Variants in LEMD1 observed in about 807,000 individuals in gnomAD.
The protein encoded by LEMD1 is LEM domain containing 1, also known as LEM domain-containing protein 1.
Under a neutral mutation model 17.4 loss-of-function variants are expected in LEMD1, and 18 were observed. The ratio of observed to expected loss-of-function variants is 1.04; its 90% CI spans 0.72 to 1.54. The LOEUF (loss-of-function observed/expected upper bound fraction) is 1.54, where lower values mean the gene tolerates loss of function less well. LEMD1 is among the 40% of genes most tolerant of loss of function. LEMD1 has a pLI of 0.00. For missense variants in LEMD1, 195 were observed against 210.4 expected (o/e 0.93, Z 0.45); for synonymous variants, 88 against 77.8 (o/e 1.13, Z -0.69).
chr1:205,420,696 A>T lies in LEMD1; in HGVS notation c.-38-122T>A. 4 of 605,304 alleles carry T rather than the reference A, an allele frequency of 6.6e-6. No individual in the cohort carries two copies. In the South Asian group the frequency reaches 7.8e-5, roughly 12 times the overall value. 37.5% of individuals were successfully genotyped at this position (605,304 alleles called of 1,614,324 possible). On this transcript the variant is annotated intron_variant, in intron 1 of 5. Coordinates refer to ENST00000367153, the MANE Select transcript of LEMD1 (RefSeq NM_001199050.2). Reference sequence around the variant, plus strand: ...AACCTCCTAGGTGCACAGGCAATAAAGCAAAAATCAACACTTTCTAGTTCT... The same window carrying T: ...AACCTCCTAGGTGCACAGGCAATAATGCAAAAATCAACACTTTCTAGTTCT...
chr1:205,411,441 G>C (rs948120584), intron 4 of LEMD1, among the ~76,000 whole-genome samples: 3 of 151,794 alleles, frequency 2.0e-5, no homozygotes, highest in Non-Finnish European at 4.4e-5. Flanking sequence ...TGTAGTCCCA[G>C]CTACCCGGAG....
chr1:205,429,248 C>T (rs920271325), intron 1 of LEMD1, among the ~76,000 whole-genome samples: 15 of 152,198 alleles, frequency 9.9e-5, no homozygotes, highest in African/African-American at 3.4e-4. Context: ...GGAGATGCTG[C>T]AACTATTTTA....
intron 4 of LEMD1, among the ~76,000 whole-genome samples, chr1:205,405,106 C>G (rs1665030346): frequency 6.6e-6 from 1 of 152,108 alleles, no homozygotes; most frequent in African/African-American, 2.4e-5. Context: ...TTGTGGGTAA[C>G]CCGACTTTTC....
At chr1:205,403,069 T>A (rs1459629966) in intron 4 of LEMD1, among the ~76,000 whole-genome samples, 1 of 151,974 alleles carries the variant, frequency 6.6e-6, no homozygotes, top group African/African-American at 2.4e-5. Flanking sequence ...TCATGGTGGA[T>A]AAGCTTTTTG....
chr1:205,430,737 G>T (rs1462641998), intron 1 of LEMD1, among the ~76,000 whole-genome samples: 1 of 152,226 alleles, frequency 6.6e-6, no homozygotes, highest in Non-Finnish European at 1.5e-5. Flanking sequence ...CCCCCAAGCA[G>T]CCGGCGAGGC....
intron 1 of LEMD1, among the ~76,000 whole-genome samples, chr1:205,444,495 CCA>C (rs1243442333): frequency 7.4e-5 from 11 of 149,436 alleles, no homozygotes; most frequent in African/African-American, 2.5e-4. Flanking sequence ...GGCCTGACCC[CCA>C]CATCTCTCTG....
intron 1 of LEMD1, among the ~76,000 whole-genome samples, chr1:205,434,307 G>C (rs1666170356): frequency 6.8e-6 from 1 of 147,560 alleles, no homozygotes; most frequent in African/African-American, 2.5e-5. Context: ...AAGTAGCTGG[G>C]ACTACAGGTG....
At chr1:205,386,280 C>G (rs1387132240) in intron 4 of LEMD1, 1 of 151,572 alleles carries the variant, frequency 6.6e-6, no homozygotes, top group Non-Finnish European at 1.5e-5. Flanking sequence ...CAGCCTCCTC[C>G]CCTTCCCCTG....
chr1:205,401,176 T>C (rs1334492649), intron 4 of LEMD1, among the ~76,000 whole-genome samples: 30 of 149,944 alleles, frequency 2.0e-4, no homozygotes, highest in Non-Finnish European at 1.6e-4. Context: ...TGTGTCTTTA[T>C]AGCAGCATGA....
At chr1:205,399,799 A>ATGAG (rs1193254231) in intron 4 of LEMD1, among the ~76,000 whole-genome samples, 2 of 152,216 alleles carry the variant, frequency 1.3e-5, no homozygotes, top group African/African-American at 2.4e-5. Context: ...ACATGAATGA[A>ATGAG]TGAGTGAGTG....
Position 205,448,392 on chromosome 1 carries a change from CAG to C in LEMD1, c.-39+1474_-39+1475del. 1.9e-6 allele frequency: 1 copy of C among 534,490 alleles called. No individual in the cohort carries two copies. The highest frequency in any genetic ancestry group is 3.8e-6 in the Non-Finnish European group (1 of 260,016). The allele number at this position is 534,490 out of a possible 1,614,324, so 33.1% of individuals were successfully genotyped here. A position where few individuals can be genotyped will look rare whatever the true frequency, so the allele number is the denominator to read the frequency against. On this transcript the variant is annotated intron_variant, in intron 1 of 3. Transcript: ENST00000367154. This position sits in a 1 kb window ranked among gnomAD's most constrained non-coding sequence, Gnocchi z 4.7. ...AGGAATGAAAAGCCATAGGCCACAGCAGAGTGGAGGGGTCCAGCGGCAGGAAT... is the reference window on the plus strand; with the variant it reads ...AGGAATGAAAAGCCATAGGCCACAGCAGTGGAGGGGTCCAGCGGCAGGAAT...
At chr1:205,409,423 T>C (rs1257478785) in intron 4 of LEMD1, among the ~76,000 whole-genome samples, 2 of 152,192 alleles carry the variant, frequency 1.3e-5, no homozygotes, top group Admixed American at 1.3e-4. Flanking sequence ...TTGCCTCTTA[T>C]TACATATACA....
In LEMD1 at chr1:205,448,615, A is replaced by G. The variant is rs1274415726; in HGVS notation, c.-39+1253T>C. On this transcript the variant is annotated intron_variant, in intron 1 of 3. Transcript: ENST00000367154. This position sits in a 1 kb window ranked among gnomAD's most constrained non-coding sequence, Gnocchi z 4.7. The stretch of plus-strand genomic sequence containing the variant: ...AGTTCTTGCCCTACAAAGGCCTCAC[A>G]CAATGGTCCTCACTCCAGGGTATGA... Among the ~76,000 whole-genome samples the G allele has an allele frequency of 1.3e-5, 2 of 152,048 alleles. No individual in the cohort carries two copies. Among genetic ancestry groups the G allele is most frequent in the African/African-American group, 4.8e-5 (2 of 41,408 alleles).
intron 4 of LEMD1, among the ~76,000 whole-genome samples, chr1:205,405,198 G>A (rs1375331684): frequency 1.3e-5 from 2 of 151,570 alleles, no homozygotes; most frequent in Non-Finnish European, 2.9e-5. Flanking sequence ...TGCTCTTCTC[G>A]AGGAGTATCT....
chr1:205,393,694 ATAGCAAGTGT>A (rs1664449348), intron 4 of LEMD1, among the ~76,000 whole-genome samples: 1 of 151,574 alleles, frequency 6.6e-6, no homozygotes, highest in Non-Finnish European at 1.5e-5. Flanking sequence ...AAAAAGGAAA[ATAGCAAGTGT>A]TAGCAAGGAT....
At chr1:205,429,466 G>A (rs1296988999) in intron 1 of LEMD1, among the ~76,000 whole-genome samples, 1 of 152,190 alleles carries the variant, frequency 6.6e-6, no homozygotes, top group Non-Finnish European at 1.5e-5. Context: ...AAAGGATCAG[G>A]ATTTTGCTGG....
At chr1:205,413,587 C>CTTTTTTTTT (rs781477988) in intron 4 of LEMD1, among the ~76,000 whole-genome samples, 2 of 72,478 alleles carry the variant, frequency 2.8e-5, no homozygotes, top group African/African-American at 7.6e-5. Flanking sequence ...CCATGCCCAA[C>CTTTTTTTTT]TTTTTTTTTT....
intron 1 of LEMD1, chr1:205,436,384 C>T (rs537829431): frequency 6.6e-5 from 10 of 152,320 alleles, no homozygotes; most frequent in East Asian, 1.9e-4. Flanking sequence ...TGGGCTCCTC[C>T]GTGAAGAGTC....
intron 4 of LEMD1, among the ~76,000 whole-genome samples, chr1:205,408,664 A>AT (rs1665241657): frequency 6.6e-6 from 1 of 151,596 alleles, no homozygotes; most frequent in Non-Finnish European, 1.5e-5. Flanking sequence ...TGCCCAGCTA[A>AT]TTTTTTTGCA....
Sources: gnomAD v4.1 joint callset for allele counts (sites outside exome capture counted in the v4.1 genomes callset) on GRCh38, gnomAD v4.1.1 for gene constraint, Gnocchi (gnomAD v3.1) non-coding constraint, MANE v1.5 for transcripts, NCBI Gene and HGNC (gene_info 2026-07-23, HGNC 2026-07-21) for gene names.